Variants in PTPRD observed in about 807,000 individuals in gnomAD.
PTPRD encodes the protein receptor-type tyrosine-protein phosphatase delta.
A neutral mutation model predicts 214.5 loss-of-function variants in PTPRD; 34 were observed. The ratio of observed to expected loss-of-function variants is 0.16; its 90% CI spans 0.12 to 0.21. The LOEUF is 0.21. PTPRD is among the 10% of genes least tolerant of loss of function. The pLI is 1.00. For synonymous variants in PTPRD, 1,128 were observed against 845.7 expected (o/e 1.33, Z -5.79); for missense variants, 2,545 against 2,398.7 (o/e 1.06, Z -1.27).
At chr9:8,416,037 C>A (rs1273680837) in intron 35 of PTPRD, among the ~76,000 whole-genome samples, 1 of 151,602 alleles carries the variant, frequency 6.6e-6, no homozygotes, top group African/African-American at 2.4e-5. Context: ...TGGTGTTAGA[C>A]TTCAGATACT....
intron 10 of PTPRD, among the ~76,000 whole-genome samples, chr9:9,179,022 C>T (rs972383539): frequency 6.6e-6 from 1 of 152,052 alleles, no homozygotes; most frequent in Non-Finnish European, 1.5e-5. Flanking sequence ...TAAAAACAGG[C>T]TCACTTAATG....
At chr9:8,850,572 T>C (rs2097790302) in intron 11 of PTPRD, among the ~76,000 whole-genome samples, 1 of 150,990 alleles carries the variant, frequency 6.6e-6, no homozygotes, top group Non-Finnish European at 1.5e-5. Flanking sequence ...AAAGCAAAAA[T>C]GGTTACCTGG....
intron 5 of PTPRD, among the ~76,000 whole-genome samples, chr9:9,860,919 A>T (rs79068143): frequency 0.013 from 1,932 of 152,330 alleles, 48 homozygotes; most frequent in African/African-American, 0.044. Flanking sequence ...AAAACTGGCA[A>T]CTCTTAAGAA....
In PTPRD at chr9:10,381,908, T is replaced by G. The variant is rs191758504; in HGVS notation, c.-599-40891A>C. Among the ~76,000 whole-genome samples, 224 of 152,126 alleles carry G rather than the reference T, an allele frequency of 1.5e-3. 1 individual carries two copies. The highest frequency in any genetic ancestry group is 5.2e-3 in the African/African-American group (215 of 41,562). On this transcript the variant is annotated intron_variant, in intron 2 of 45. Transcript: ENST00000381196. ...TGTAAAAAGTGATAATAGTAATATC[T>G]AAACCCAAAGTTTATTGTAATATAT...
intron 6 of PTPRD, among the ~76,000 whole-genome samples, chr9:9,762,362 T>C (rs559234935): frequency 5.9e-4 from 90 of 152,342 alleles, no homozygotes; most frequent in African/African-American, 2.0e-3. Context: ...AGCTACACTC[T>C]TGGTGTTCTC....
chr9:8,538,164 T>G (rs1357293659), intron 14 of PTPRD, among the ~76,000 whole-genome samples: 1 of 152,048 alleles, frequency 6.6e-6, no homozygotes, highest in African/African-American at 2.4e-5. Context: ...TCAATTTATA[T>G]TTATCAACAA....
chr9:8,561,603 G>A (rs941329926), intron 14 of PTPRD, among the ~76,000 whole-genome samples: 2 of 152,164 alleles, frequency 1.3e-5, no homozygotes, highest in Non-Finnish European at 2.9e-5. Context: ...GCAAGGTGGG[G>A]GTGAGGGGGG....
At chr9:9,918,117 TG>T (rs1377264901) in intron 5 of PTPRD, among the ~76,000 whole-genome samples, 1 of 151,956 alleles carries the variant, frequency 6.6e-6, no homozygotes. Context: ...TCAAATTATC[TG>T]TACCTAGATG....
At chr9:9,446,097 A>T (rs942033075) in intron 8 of PTPRD, among the ~76,000 whole-genome samples, 4 of 152,188 alleles carry the variant, frequency 2.6e-5, no homozygotes. Flanking sequence ...GTAAGAAATG[A>T]CATAATATTT....
At chr9:9,278,758 G>A (rs188023946) in intron 9 of PTPRD, among the ~76,000 whole-genome samples, 6 of 151,392 alleles carry the variant, frequency 4.0e-5, no homozygotes, top group South Asian at 2.1e-4. Context: ...AGTTAATAAC[G>A]TTTACTTTCA....
intron 8 of PTPRD, among the ~76,000 whole-genome samples, chr9:9,538,312 G>A (rs1031104943): frequency 1.3e-5 from 2 of 151,854 alleles, no homozygotes; most frequent in African/African-American, 2.4e-5. Flanking sequence ...AATTTTCAAA[G>A]GAGTATTTCC....
intron 11 of PTPRD, among the ~76,000 whole-genome samples, chr9:8,975,665 A>G (rs183009655): frequency 1.2e-3 from 183 of 152,034 alleles, no homozygotes; most frequent in African/African-American, 3.4e-3. Flanking sequence ...GTATTTATTC[A>G]GTGTAATAAA....
intron 7 of PTPRD, among the ~76,000 whole-genome samples, chr9:9,697,534 A>G (rs1408432137): frequency 6.6e-6 from 1 of 152,018 alleles, no homozygotes; most frequent in Non-Finnish European, 1.5e-5. Flanking sequence ...TATATTTTCT[A>G]ATAAGAAGTC....
intron 44 of PTPRD, among the ~76,000 whole-genome samples, chr9:8,329,856 C>G (rs1838007909): frequency 1.3e-5 from 2 of 152,094 alleles, no homozygotes; most frequent in African/African-American, 4.8e-5. Context: ...TGGCAGATGC[C>G]TCTCCCCTCA....
intron 9 of PTPRD, among the ~76,000 whole-genome samples, chr9:9,383,703 T>C (rs764888464): frequency 6.6e-6 from 1 of 152,158 alleles, no homozygotes; most frequent in Non-Finnish European, 1.5e-5. Flanking sequence ...TATTTATTGG[T>C]AAGTGTAGGG....
intron 9 of PTPRD, among the ~76,000 whole-genome samples, chr9:9,237,277 A>G (rs2099967417): frequency 6.6e-6 from 1 of 152,108 alleles, no homozygotes; most frequent in South Asian, 2.1e-4. Context: ...AAAAACAACT[A>G]ACCTTACCTG....
At chr9:10,326,172 T>A (rs1411923830) in intron 3 of PTPRD, among the ~76,000 whole-genome samples, 1 of 151,776 alleles carries the variant, frequency 6.6e-6, no homozygotes, top group Admixed American at 6.6e-5. Context: ...AAAAAAATTT[T>A]AGTTTTAATA....
intron 29 of PTPRD, 138 bp downstream of exon 29, chr9:8,485,089 A>T: frequency 1.5e-6 from 1 of 665,692 alleles, no homozygotes; most frequent in East Asian, 2.7e-5. Context: ...ACTGTCTCCC[A>T]TGTGAAAGTC....
intron 5 of PTPRD, chr9:9,803,641 T>C (rs2099055402): frequency 6.6e-6 from 1 of 151,982 alleles, no homozygotes; most frequent in Non-Finnish European, 1.5e-5. Context: ...GATCTCTGCC[T>C]GGTATACCAA....
Sources: allele counts gnomAD v4.1 joint callset (sites outside exome capture counted in the v4.1 genomes callset), GRCh38; gene constraint gnomAD v4.1.1; transcripts MANE v1.5; gene names NCBI Gene and HGNC (gene_info 2026-07-23, HGNC 2026-07-21).